SNX31: variants seen among roughly 807,000 people sequenced by gnomAD.
SNX31 encodes the protein sorting nexin 31.
A neutral mutation model predicts 65.4 loss-of-function variants in SNX31; 58 were observed. That is an observed-to-expected ratio of 0.89 (90% CI 0.72 to 1.10). The LOEUF (loss-of-function observed/expected upper bound fraction) is 1.10, where lower values mean the gene tolerates loss of function less well. SNX31 is among the 50% of genes least tolerant of loss of function. The probability of loss-of-function intolerance (pLI) is 0.00; values close to 1 mark genes in which losing one functional copy is unlikely to be tolerated. For synonymous variants in SNX31, 181 were observed against 190.1 expected (o/e 0.95, Z 0.39); for missense variants, 523 against 529.7 (o/e 0.99, Z 0.12).
rs568964608 is a variant in SNX31, at chr8:100,612,482, T to G, written c.524-395A>C. 2.9e-4 allele frequency among the ~76,000 whole-genome samples: 34 copies of G among 116,826 alleles called. No homozygotes were observed. The East Asian group carries it at 6.6e-3, about 23-fold the overall frequency. 76.6% of individuals were successfully genotyped at this position (116,826 alleles called of 152,430 possible). On this transcript the variant is annotated intron_variant, in intron 6 of 13. Coordinates refer to ENST00000311812, the MANE Select transcript of SNX31 (RefSeq NM_152628.4). This position sits in a 1 kb window ranked among gnomAD's most constrained non-coding sequence, Gnocchi z 4.3. ...TACTTTAATATAACTGATACCATTT[T>G]ACAAAAAAAAAAAACTTGTAATATC...
intron 2 of SNX31, 150 bp downstream of exon 2, chr8:100,649,124 C>T: frequency 1.4e-6 from 1 of 701,770 alleles, no homozygotes; most frequent in Non-Finnish European, 2.4e-6. Flanking sequence ...CAATTCAGTT[C>T]ATCCTTACCA....
upstream of SNX31, among the ~76,000 whole-genome samples, chr8:100,651,887 T>C (rs1427606278): frequency 3.9e-5 from 6 of 152,250 alleles, no homozygotes; most frequent in Admixed American, 3.3e-4. Context: ...GTAAGTGATC[T>C]GCCTCTAGAG....
At chr8:100,583,569 T>C (rs893342171) in intron 12 of SNX31, among the ~76,000 whole-genome samples, 1 of 152,156 alleles carries the variant, frequency 6.6e-6, no homozygotes, top group Non-Finnish European at 1.5e-5. Flanking sequence ...TTAATAAATA[T>C]AATAATAAAT....
intron 9 of SNX31, 111 bp downstream of exon 9, chr8:100,600,238 A>G (rs1586904120): frequency 2.5e-6 from 2 of 805,138 alleles, no homozygotes; most frequent in African/African-American, 1.7e-5. Context: ...TTTTAAAAAG[A>G]GCCCCACTTT....
Position 100,660,542 on chromosome 8 carries a change from A to G in SNX31, c.-58+2600T>C, listed in dbSNP as rs114525495. Among the ~76,000 whole-genome samples the G allele has an allele frequency of 6.5e-3, 994 of 152,298 alleles. 13 individuals carry two copies. Among genetic ancestry groups the G allele is most frequent in the African/African-American group, 0.023 (960 of 41,546 alleles). Reference sequence around the variant, plus strand: ...ACAAGAGATCAAACCAGGTCCTGCAATGTCACTCAGCACGGGGCTCTAACT... The same window carrying G: ...ACAAGAGATCAAACCAGGTCCTGCAGTGTCACTCAGCACGGGGCTCTAACT... On this transcript the variant is annotated intron_variant, in intron 1 of 5. Transcript: ENST00000520352. This position sits in a 1 kb window ranked among gnomAD's most constrained non-coding sequence, Gnocchi z 4.1.
intron 2 of SNX31, among the ~76,000 whole-genome samples, chr8:100,637,629 C>G (rs12545899): frequency 0.16 from 24,463 of 152,226 alleles, 2,266 homozygotes; most frequent in South Asian, 0.25. Context: ...CAACAAGTCT[C>G]TCTGCTTCTA....
chr8:100,584,862 G>A (rs964078272), intron 11 of SNX31, among the ~76,000 whole-genome samples: 39 of 149,862 alleles, frequency 2.6e-4, no homozygotes, highest in African/African-American at 8.3e-4. Context: ...CGATTCTCCC[G>A]CTTCAGCACG....
chr8:100,595,847 T>C (rs1243867111), intron 10 of SNX31, among the ~76,000 whole-genome samples: 1 of 152,058 alleles, frequency 6.6e-6, no homozygotes, highest in Non-Finnish European at 1.5e-5. Context: ...TTTCAGAGAA[T>C]ATGTAGAGGA....
At chr8:100,620,906 T>A (rs1010016371) in intron 4 of SNX31, among the ~76,000 whole-genome samples, 2 of 152,014 alleles carry the variant, frequency 1.3e-5, no homozygotes, top group Non-Finnish European at 2.9e-5. Context: ...TCACCTGAGG[T>A]CAGGAGTTCG....
chr8:100,657,897 AC>A (rs1243784150), intron 1 of SNX31: 2 of 196,522 alleles, frequency 1.0e-5, no homozygotes, highest in Admixed American at 1.8e-4. Context: ...ACAAAAAATA[AC>A]AACAACAACA....
rs79171277 is a variant in SNX31 at position 100,661,007 on chromosome 8, A to T, written c.-58+2135T>A. Reference sequence around the variant, plus strand: ...CTACCTGCCAGAAAAGCAGGTCGATATTTTTTTTTTTTTTTTGAGACAGGG... The same window carrying T: ...CTACCTGCCAGAAAAGCAGGTCGATTTTTTTTTTTTTTTTTTGAGACAGGG... On this transcript the variant is annotated intron_variant, in intron 1 of 5. Transcript: ENST00000520352. Among the ~76,000 whole-genome samples the T allele has an allele frequency of 2.9e-3, 409 of 140,586 alleles. 6 individuals are homozygous for T. The highest frequency in any genetic ancestry group is 0.019 in the East Asian group (93 of 4,772). The allele number at this position is 140,586 out of a possible 152,430, so 92.2% of individuals were successfully genotyped here. A position where few individuals can be genotyped will look rare whatever the true frequency, so the allele number is the denominator to read the frequency against.
rs2131039918 is a variant in SNX31, at chr8:100,613,134, T to C, written c.433-49A>G. 6.9e-7 allele frequency: 1 copy of C among 1,445,854 alleles called. No homozygotes were observed. Among genetic ancestry groups the C allele is most frequent in the East Asian group, 2.3e-5 (1 of 44,020 alleles). The allele number at this position is 1,445,854 out of a possible 1,614,324, so 89.6% of individuals were successfully genotyped here. Reference sequence around the variant, plus strand: ...GGGAAAAAGTTAGGTGTGCCCACCATGCATCCTAACTGTGACATGCAGACT... The same window carrying C: ...GGGAAAAAGTTAGGTGTGCCCACCACGCATCCTAACTGTGACATGCAGACT... On this transcript the variant is annotated intron_variant, in intron 5 of 13. Coordinates refer to ENST00000311812, the MANE Select transcript of SNX31 (RefSeq NM_152628.4). This position sits in a 1 kb window ranked among gnomAD's most constrained non-coding sequence, Gnocchi z 5.2.
At position 100,578,268 on chromosome 8, in the gene SNX31, T is replaced by C. The variant is rs948308910; in HGVS notation, c.1171-1193A>G. 1.3e-5 allele frequency among the ~76,000 whole-genome samples: 2 copies of C among 152,160 alleles called. No homozygotes were observed. Among genetic ancestry groups the C allele is most frequent in the African/African-American group, 2.4e-5 (1 of 41,432 alleles). ...GGGGAAAGAGTTCTTAGACTCTTCT[T>C]AATGGGAAAGAAAAGAACTGCTATG... On this transcript the variant is annotated intron_variant, in intron 12 of 13. Transcript: ENST00000311812. The surrounding 1 kb of genome is among the most constrained non-coding windows in gnomAD (Gnocchi z 4.7).
At position 100,635,716 on chromosome 8, in the gene SNX31, A is replaced by T. The variant is rs547114112; in HGVS notation, c.256+181T>A. Among the ~76,000 whole-genome samples, 10 of 152,052 alleles carry T rather than the reference A, an allele frequency of 6.6e-5. No individual in the cohort carries two copies. The South Asian group carries it at 2.1e-3, about 32-fold the overall frequency. ...GGAGGGAAAGAGGAAGTGATTGCCA[A>T]TGGGTATGAGGTTTCTTTTGGGGGT... On this transcript the variant is annotated intron_variant, in intron 3 of 13. Coordinates refer to ENST00000311812, the MANE Select transcript of SNX31 (RefSeq NM_152628.4).
Position 100,573,040 on chromosome 8 carries a change from C to T in SNX31, c.*825G>A, listed in dbSNP as rs988958521. 7 of 152,338 alleles carry T rather than the reference C, an allele frequency of 4.6e-5. No individual in the cohort carries two copies. The highest frequency in any genetic ancestry group is 8.8e-5 in the Non-Finnish European group (6 of 67,980). The allele number at this position is 152,338 out of a possible 1,614,324, so 9.4% of individuals were successfully genotyped here. On this transcript the variant is annotated 3_prime_UTR_variant, in exon 14 of 14. Transcript: ENST00000311812. ...ATTCTATACATAATTACATTAATTACCATGAGAGAAATGAAGCTAGATAAG... is the reference window on the plus strand; with the variant it reads ...ATTCTATACATAATTACATTAATTATCATGAGAGAAATGAAGCTAGATAAG...
intron 4 of SNX31, among the ~76,000 whole-genome samples, chr8:100,624,610 C>A (rs1435640399): frequency 6.6e-6 from 1 of 152,040 alleles, no homozygotes. Flanking sequence ...CAAAACAGAT[C>A]AAACAAGTTT....
At chr8:100,584,677 C>CT (rs1440168322) in intron 11 of SNX31, among the ~76,000 whole-genome samples, 1 of 151,014 alleles carries the variant, frequency 6.6e-6, no homozygotes, top group Non-Finnish European at 1.5e-5. Flanking sequence ...CACCTTATTG[C>CT]TTTTACTAAA....
intron 4 of SNX31, among the ~76,000 whole-genome samples, chr8:100,620,541 A>G (rs1817608333): frequency 6.6e-6 from 1 of 152,244 alleles, no homozygotes; most frequent in Non-Finnish European, 1.5e-5. Flanking sequence ...GCTCTCTTCT[A>G]CATTCAAAGG....
In SNX31 at chr8:100,586,316, C is replaced by T. The variant is rs373473542; in HGVS notation, c.1093-2128G>A. ...ACACAAGTCACATTTCCACCTTTTA[C>T]AAAAGTAGCCCTTGAGTGTGTACAA... On this transcript the variant is annotated intron_variant, in intron 11 of 13. Transcript: ENST00000311812. 4.8e-4 allele frequency among the ~76,000 whole-genome samples: 73 copies of T among 152,298 alleles called. 1 individual carries two copies. Among genetic ancestry groups the T allele is most frequent in the African/African-American group, 1.7e-3 (70 of 41,556 alleles).
Sources: gnomAD v4.1 joint callset for allele counts (sites outside exome capture counted in the v4.1 genomes callset) on GRCh38, gnomAD v4.1.1 for gene constraint, Gnocchi (gnomAD v3.1) non-coding constraint, MANE v1.5 for transcripts, NCBI Gene and HGNC (gene_info 2026-07-23, HGNC 2026-07-21) for gene names.